FGFR2: variants seen among roughly 807,000 people sequenced by gnomAD.
The protein encoded by FGFR2 is fibroblast growth factor receptor 2.
FGFR2 carries 19 observed loss-of-function variants against 95.9 expected under a neutral mutation model. The observed-to-expected ratio is 0.20, with a 90% CI of 0.14 to 0.29. The LOEUF (loss-of-function observed/expected upper bound fraction) is 0.29, where lower values mean the gene tolerates loss of function less well. Ranked by LOEUF, FGFR2 falls within the 10% of genes least tolerant of loss-of-function variation. The pLI is 1.00. For missense variants in FGFR2, 707 were observed against 1,056.9 expected (o/e 0.67, Z 4.59); for synonymous variants, 392 against 393.3 (o/e 1.00, Z 0.04).
At position 121,595,678 on chromosome 10, in the gene FGFR2, G is replaced by A. The variant is rs11200027; in HGVS notation, c.-150-1711C>T. 1.2e-3 allele frequency among the ~76,000 whole-genome samples: 187 copies of A among 152,334 alleles called. 2 individuals carry two copies. The East Asian group carries it at 0.027, about 22-fold the overall frequency. On this transcript the variant is annotated intron_variant, in intron 1 of 17. Coordinates refer to ENST00000358487, the MANE Select transcript of FGFR2 (RefSeq NM_000141.5). ...TTTACTAAGCATTTGCAGAATGCAG[G>A]GGAATTTTCTACCTCTAACACGACT...
intron 7 of FGFR2, among the ~76,000 whole-genome samples, chr10:121,519,273 C>G (rs1391914069): frequency 6.6e-6 from 1 of 152,090 alleles, no homozygotes; most frequent in Non-Finnish European, 1.5e-5. Flanking sequence ...CTTAGCTGCC[C>G]CTGTCCTCAG....
At chr10:121,577,805 C>T (rs1288983094) in intron 2 of FGFR2, among the ~76,000 whole-genome samples, 5 of 152,028 alleles carry the variant, frequency 3.3e-5, no homozygotes, top group Non-Finnish European at 7.4e-5. Context: ...GGAGGAAATA[C>T]ATAACCTGGA....
chr10:121,556,500 C>T (rs1295121648), intron 4 of FGFR2, among the ~76,000 whole-genome samples: 2 of 151,590 alleles, frequency 1.3e-5, no homozygotes, highest in African/African-American at 4.9e-5. Flanking sequence ...TATTACCAGG[C>T]TGTACCAAAA....
At chr10:121,571,685 T>G (rs1425694596) in intron 2 of FGFR2, among the ~76,000 whole-genome samples, 1 of 151,892 alleles carries the variant, frequency 6.6e-6, no homozygotes, top group Non-Finnish European at 1.5e-5. Flanking sequence ...GGCTCGTGCT[T>G]GTAATCCCAG....
chr10:121,585,464 C>T lies in FGFR2; in HGVS notation c.109+8245G>A, dbSNP rs552545527. Among the ~76,000 whole-genome samples the T allele has an allele frequency of 2.0e-5, 3 of 152,162 alleles. No homozygotes were observed. In the South Asian group the frequency reaches 6.2e-4, roughly 32 times the overall value. On this transcript the variant is annotated intron_variant, in intron 2 of 17. Transcript: ENST00000358487. Reference sequence around the variant, plus strand: ...GAAGAAATCAGCATTTAATGAACACCTACTCTGGGCCAGGAAATTCAGTAG... The same window carrying T: ...GAAGAAATCAGCATTTAATGAACACTTACTCTGGGCCAGGAAATTCAGTAG...
At position 121,531,757 on chromosome 10, in the gene FGFR2, C is replaced by T. The variant is rs777632135; in HGVS notation, c.748+6835G>A. The stretch of plus-strand genomic sequence containing the variant: ...AGGGTGGAAACAGAACTTGACACCC[C>T]TCTCCACGTAATTTCCACCTGAACC... On this transcript the variant is annotated intron_variant, in intron 6 of 17. Transcript: ENST00000358487. This position sits in a 1 kb window ranked among gnomAD's most constrained non-coding sequence, Gnocchi z 4.5. 2.6e-5 allele frequency among the ~76,000 whole-genome samples: 4 copies of T among 152,156 alleles called. No homozygotes were observed. Among genetic ancestry groups the T allele is most frequent in the Admixed American group, 6.5e-5 (1 of 15,274 alleles).
At chr10:121,519,568 A>C (rs886462478) in intron 7 of FGFR2, among the ~76,000 whole-genome samples, 8 of 152,214 alleles carry the variant, frequency 5.3e-5, no homozygotes, top group Non-Finnish European at 1.2e-4. Context: ...TCAGAGTAAC[A>C]ATCAACACTG....
rs1324981459 is a variant in FGFR2, at chr10:121,503,908, T to G, written c.1321A>C (p.Asn441His). ...SAESSSSMNS[N>H]TPLVRITTRL... Reference sequence around the variant, plus strand: ...GTTGTTATCCTCACCAGCGGGGTGTTGGAGTTCATGGAGGAGCTGGACTCA... The same window carrying G: ...GTTGTTATCCTCACCAGCGGGGTGTGGGAGTTCATGGAGGAGCTGGACTCA... The change falls in exon 10 of 18, where the codon AAC becomes CAC. Residue 441 changes from asparagine to histidine, a missense_variant. Around this residue, in one of 7 missense-constraint regions of FGFR2, gnomAD observed 194 missense variants for 267.3 expected, o/e 0.73. Coordinates refer to ENST00000358487, the MANE Select transcript of FGFR2 (RefSeq NM_000141.5). The G allele has an allele frequency of 1.2e-6, 2 of 1,614,062 alleles. No homozygotes were observed. Among genetic ancestry groups the G allele is most frequent in the Admixed American group, 3.3e-5 (2 of 60,004 alleles).
chr10:121,479,700 TA>T lies in FGFR2; in HGVS notation c.*156del, dbSNP rs1844426143. ...GGAAGATTACAAGTTTTCAACTGTATAAATCTTTACACATATGCTGATTACT... is the reference window on the plus strand; with the variant it reads ...GGAAGATTACAAGTTTTCAACTGTATAATCTTTACACATATGCTGATTACT... On this transcript the variant is annotated 3_prime_UTR_variant, in exon 18 of 18. Coordinates refer to ENST00000358487, the MANE Select transcript of FGFR2 (RefSeq NM_000141.5). 1.9e-6 allele frequency: 3 copies of T among 1,582,340 alleles called. No individual in the cohort carries two copies. In the East Asian group the frequency reaches 6.9e-5, roughly 36 times the overall value.
Position 121,518,936 on chromosome 10 carries a change from A to G in FGFR2, c.939+1043T>C. On this transcript the variant is annotated intron_variant, in intron 7 of 17. Transcript: ENST00000358487. The surrounding 1 kb of genome is among the most constrained non-coding windows in gnomAD (Gnocchi z 4.0). ...CAAGAAAACAAACTCCATTACGTCTAAACAGCGGCATTAAAGGGCTGCGGA... is the reference window on the plus strand; with the variant it reads ...CAAGAAAACAAACTCCATTACGTCTGAACAGCGGCATTAAAGGGCTGCGGA... 5 of 1,367,016 alleles carry G rather than the reference A, an allele frequency of 3.7e-6. No individual in the cohort carries two copies. The highest frequency in any genetic ancestry group is 5.2e-6 in the Non-Finnish European group (5 of 963,954). The allele number at this position is 1,367,016 out of a possible 1,614,324, so 84.7% of individuals were successfully genotyped here. A position where few individuals can be genotyped will look rare whatever the true frequency, so the allele number is the denominator to read the frequency against.
At chr10:121,512,291 C>A (rs943588615) in intron 9 of FGFR2, among the ~76,000 whole-genome samples, 4 of 152,156 alleles carry the variant, frequency 2.6e-5, no homozygotes, top group Admixed American at 2.6e-4. Context: ...TATCCAGATA[C>A]CCGATAAGCA....
intron 6 of FGFR2, among the ~76,000 whole-genome samples, chr10:121,528,421 G>T (rs1306223836): frequency 6.6e-6 from 1 of 152,120 alleles, no homozygotes; most frequent in Admixed American, 6.5e-5. Flanking sequence ...AAGAATGAAG[G>T]AGATTGAGAT....
At chr10:121,579,241 G>A (rs1369435322) in intron 2 of FGFR2, among the ~76,000 whole-genome samples, 2 of 152,326 alleles carry the variant, frequency 1.3e-5, no homozygotes, top group African/African-American at 2.4e-5. Context: ...TGAGGGGCAC[G>A]TCTGAGAGCA....
intron 6 of FGFR2, among the ~76,000 whole-genome samples, chr10:121,528,583 G>C (rs1013076396): frequency 2.6e-5 from 4 of 152,182 alleles, no homozygotes; most frequent in Admixed American, 6.5e-5. Flanking sequence ...GGTTCGAGCA[G>C]AAGTAAAAGC....
chr10:121,562,904 T>C (rs1012895462), intron 4 of FGFR2, among the ~76,000 whole-genome samples: 1 of 152,166 alleles, frequency 6.6e-6, no homozygotes. Context: ...GAAATCTTTG[T>C]TCCTTCCTCT....
At chr10:121,564,688 C>G in intron 3 of FGFR2, 109 bp from the exon 4 acceptor site, 1 of 926,880 alleles carries the variant, frequency 1.1e-6, no homozygotes, top group African/African-American at 1.6e-5. Context: ...CCCAGGAACC[C>G]TCGCAAAGAG....
intron 6 of FGFR2, among the ~76,000 whole-genome samples, chr10:121,535,453 G>A (rs75102683): frequency 5.7e-4 from 87 of 152,262 alleles, no homozygotes; most frequent in African/African-American, 2.0e-3. Context: ...GGCATAAGCC[G>A]CTTTTTTTGT....
At chr10:121,508,531 A>G (rs1473123372) in intron 9 of FGFR2, among the ~76,000 whole-genome samples, 1 of 152,220 alleles carries the variant, frequency 6.6e-6, no homozygotes, top group Non-Finnish European at 1.5e-5. Flanking sequence ...TATCTACACC[A>G]TCCCCCAAAC....
intron 2 of FGFR2, among the ~76,000 whole-genome samples, chr10:121,586,456 TA>T (rs1344792561): frequency 6.6e-6 from 1 of 152,230 alleles, no homozygotes; most frequent in African/African-American, 2.4e-5. Flanking sequence ...AAGGAAAGAA[TA>T]TACAACAGCT....
Sources: gnomAD v4.1 joint callset for allele counts (sites outside exome capture counted in the v4.1 genomes callset) on GRCh38, gnomAD v4.1.1 for gene constraint, gnomAD v4.1.1 regional missense constraint, Gnocchi (gnomAD v3.1) non-coding constraint, MANE v1.5 for transcripts, NCBI Gene and HGNC (gene_info 2026-07-23, HGNC 2026-07-21) for gene names.